COL21A1: variants seen among roughly 807,000 people sequenced by gnomAD.
The protein encoded by COL21A1 is collagen alpha-1(XXI) chain.
In COL21A1, 149 loss-of-function variants were observed where a neutral mutation model predicts 137.9. That is an observed-to-expected ratio of 1.08 (90% CI 0.95 to 1.24). The LOEUF (loss-of-function observed/expected upper bound fraction) is 1.24, where lower values mean the gene tolerates loss of function less well. Ranked by LOEUF, COL21A1 falls within the 50% of genes most tolerant of loss-of-function variation. COL21A1 has a pLI of 0.00. For synonymous variants in COL21A1, 456 were observed against 391.5 expected (o/e 1.16, Z -1.95); for missense variants, 1,167 against 1,158.4 (o/e 1.01, Z -0.11).
At chr6:56,343,812 A>G (rs149882052) in intron 1 of COL21A1, among the ~76,000 whole-genome samples, 4 of 152,278 alleles carry the variant, frequency 2.6e-5, no homozygotes, top group African/African-American at 9.6e-5. Flanking sequence ...GCGTGGTGGC[A>G]TGCACCTGTA....
At position 56,349,142 on chromosome 6, in the gene COL21A1, G is replaced by A. The variant is rs1007312668; in HGVS notation, c.-39+44829C>T. 3.3e-5 allele frequency among the ~76,000 whole-genome samples: 5 copies of A among 152,162 alleles called. No homozygotes were observed. The South Asian group carries it at 1.0e-3, about 32-fold the overall frequency. ...ATACCCTCTTTCTGGCCTTGGCTAG[G>A]GCACTAGGAAAATGAACCTTGAAAA... On this transcript the variant is annotated intron_variant, in intron 1 of 28. Transcript: ENST00000370819.
chr6:56,387,657 T>A (rs1429447360), intron 1 of COL21A1, among the ~76,000 whole-genome samples: 1 of 152,168 alleles, frequency 6.6e-6, no homozygotes, highest in South Asian at 2.1e-4. Context: ...GCACTGGAAC[T>A]CCCTGTAGCC....
chr6:56,386,200 C>T (rs2094017918), intron 1 of COL21A1, among the ~76,000 whole-genome samples: 1 of 152,186 alleles, frequency 6.6e-6, no homozygotes, highest in African/African-American at 2.4e-5. Context: ...CTGCCCACCT[C>T]AGCCTGTCAA....
intron 1 of COL21A1, among the ~76,000 whole-genome samples, chr6:56,384,487 T>C (rs115088185): frequency 2.6e-5 from 4 of 152,342 alleles, no homozygotes; most frequent in African/African-American, 7.2e-5. Flanking sequence ...GCCAGGAAGA[T>C]AAATTCTTAC....
At chr6:56,090,080 AAT>A (rs1363318231) in intron 17 of COL21A1, among the ~76,000 whole-genome samples, 1 of 152,118 alleles carries the variant, frequency 6.6e-6, no homozygotes. Flanking sequence ...TCTCTACTAA[AAT>A]ACAAAAATTA....
intron 3 of COL21A1, among the ~76,000 whole-genome samples, chr6:56,175,043 T>C (rs935609847): frequency 1.3e-5 from 2 of 152,034 alleles, no homozygotes; most frequent in Non-Finnish European, 2.9e-5. Context: ...AAGGAAAAGA[T>C]AACATGATCA....
intron 1 of COL21A1, among the ~76,000 whole-genome samples, chr6:56,308,638 T>G (rs1463196153): frequency 6.6e-6 from 1 of 152,168 alleles, no homozygotes; most frequent in African/African-American, 2.4e-5. Flanking sequence ...ATGAATAAGC[T>G]CTAGATATCT....
At chr6:56,243,454 CAG>C (rs1421751187) in intron 1 of COL21A1, among the ~76,000 whole-genome samples, 1 of 152,116 alleles carries the variant, frequency 6.6e-6, no homozygotes, top group East Asian at 1.9e-4. Context: ...TTAAATAAAA[CAG>C]AAAAATCATG....
intron 1 of COL21A1, among the ~76,000 whole-genome samples, chr6:56,302,925 T>A (rs1193281095): frequency 2.6e-5 from 4 of 152,162 alleles, no homozygotes; most frequent in Non-Finnish European, 5.9e-5. Context: ...AAGGAAGGGA[T>A]CCAGTTTCAG....
chr6:56,075,608 CAATGG>C (rs1359193709), intron 18 of COL21A1, 76 bp from the exon 19 acceptor site: 1 of 1,046,714 alleles, frequency 9.6e-7, no homozygotes, highest in Non-Finnish European at 1.4e-6. Flanking sequence ...TGCCAAAGCA[CAATGG>C]AATGACAATT....
chr6:56,327,555 AGAAATATCAGGT>A (rs150938584), intron 1 of COL21A1, among the ~76,000 whole-genome samples: 149,827 of 151,984 alleles, frequency 0.99, 73,882 homozygotes, highest in Middle Eastern at 1. Flanking sequence ...AAGCAAAAGG[AGAAATATCAGGT>A]ATCAGGTTAG....
chr6:56,309,013 C>T (rs376749763), intron 1 of COL21A1, among the ~76,000 whole-genome samples: 2 of 151,456 alleles, frequency 1.3e-5, no homozygotes, highest in Non-Finnish European at 2.9e-5. Flanking sequence ...TGACCTTCGG[C>T]TGTTTGTTAA....
intron 1 of COL21A1, among the ~76,000 whole-genome samples, chr6:56,254,459 G>C (rs1782923398): frequency 1.3e-5 from 2 of 152,176 alleles, no homozygotes; most frequent in South Asian, 4.1e-4. Flanking sequence ...GTTAAAACTT[G>C]AAAATAGAGG....
At chr6:56,117,385 G>T (rs1023039968) in intron 16 of COL21A1, among the ~76,000 whole-genome samples, 2 of 151,856 alleles carry the variant, frequency 1.3e-5, no homozygotes, top group Non-Finnish European at 2.9e-5. Flanking sequence ...ATTCAGCAGA[G>T]GATATAACAA....
chr6:56,174,323 A>G (rs1398613588), intron 3 of COL21A1, among the ~76,000 whole-genome samples: 2 of 152,092 alleles, frequency 1.3e-5, no homozygotes, highest in East Asian at 3.8e-4. Context: ...GAAAAAAATA[A>G]TTTAGATTTA....
rs375415415 is a variant in COL21A1, at chr6:56,060,929, G to T, written c.2314C>A (p.Pro772Thr). 1.9e-6 allele frequency: 3 copies of T among 1,579,864 alleles called. No individual in the cohort carries two copies. Among genetic ancestry groups the T allele is most frequent in the Non-Finnish European group, 2.6e-6 (3 of 1,168,560 alleles). The change falls in exon 26 of 30, where the codon CCA becomes ACA. Residue 772 changes from proline (P) to threonine (T), a missense_variant. Coordinates refer to ENST00000244728, the MANE Select transcript of COL21A1 (RefSeq NM_030820.4). ...PAGPKGQPGD[P>T]GPQGPPGLDG... The stretch of plus-strand genomic sequence containing the variant: ...AAACCTGGGGGTCCCTGAGGACCTG[G>T]ATCCCCAGGTTGCCCCTTAGGACCT...
intron 1 of COL21A1, among the ~76,000 whole-genome samples, chr6:56,238,244 C>A (rs1270745545): frequency 1.3e-5 from 2 of 151,880 alleles, no homozygotes; most frequent in Admixed American, 1.3e-4. Flanking sequence ...TGCTCCAGGA[C>A]AGGAATCATG....
chr6:56,205,568 A>G (rs1779715255), intron 1 of COL21A1, among the ~76,000 whole-genome samples: 1 of 152,214 alleles, frequency 6.6e-6, no homozygotes, highest in South Asian at 2.1e-4. Context: ...ACTTCAGGAT[A>G]TTATCCAGGA....
chr6:56,134,947 G>A (rs1925172), intron 12 of COL21A1, among the ~76,000 whole-genome samples: 22,821 of 151,904 alleles, frequency 0.15, 1,754 homozygotes, highest in Middle Eastern at 0.22. Context: ...TCTCAGGTAT[G>A]TCTTTATTGT....
Sources: gnomAD v4.1 joint callset for allele counts (sites outside exome capture counted in the v4.1 genomes callset) on GRCh38, gnomAD v4.1.1 for gene constraint, MANE v1.5 for transcripts, NCBI Gene and HGNC (gene_info 2026-07-23, HGNC 2026-07-21) for gene names.